The following ADGRB3 variants were observed in gnomAD, a reference collection of about 807,000 sequenced individuals.
ADGRB3 encodes the protein brain-specific angiogenesis inhibitor 3.
Under a neutral mutation model 193.4 loss-of-function variants are expected in ADGRB3, and 37 were observed. That is an observed-to-expected ratio of 0.19 (90% confidence interval 0.15 to 0.25). The LOEUF is 0.25. Ranked by LOEUF, ADGRB3 falls within the 10% of genes least tolerant of loss-of-function variation. ADGRB3 has a pLI of 1.00. For missense variants in ADGRB3, 1,637 were observed against 1,852.9 expected, an observed-to-expected ratio of 0.88 and a Z score of 2.14; for synonymous variants, 690 against 644.2, an observed-to-expected ratio of 1.07 and a Z score of -1.08.
intron 3 of ADGRB3, among the ~76,000 whole-genome samples, chr6:68,901,380 CAGTT>C (rs1303301502): frequency 2.0e-5 from 3 of 152,118 alleles, no homozygotes; most frequent in Admixed American, 6.5e-5. Flanking sequence ...ATTCAAGAGA[CAGTT>C]AGAGAGAACA....
chr6:69,341,584 C>A (rs934377247), intron 26 of ADGRB3, among the ~76,000 whole-genome samples: 2 of 152,226 alleles, frequency 1.3e-5, no homozygotes, highest in East Asian at 1.9e-4. Flanking sequence ...ATTCCCTTAG[C>A]AAGTTTCTAC....
intron 6 of ADGRB3, among the ~76,000 whole-genome samples, chr6:68,949,067 G>GC (rs1238993711): frequency 1.3e-5 from 2 of 151,972 alleles, no homozygotes; most frequent in Non-Finnish European, 2.9e-5. Flanking sequence ...ACTTTGAATA[G>GC]TAAAAAATCG....
At chr6:69,312,975 C>A (rs1219594110) in intron 20 of ADGRB3, among the ~76,000 whole-genome samples, 1 of 151,786 alleles carries the variant, frequency 6.6e-6, no homozygotes, top group Non-Finnish European at 1.5e-5. Flanking sequence ...TTATTATAAG[C>A]AATTTTTATA....
intron 3 of ADGRB3, among the ~76,000 whole-genome samples, chr6:68,893,781 GT>G (rs1269164334): frequency 2.0e-5 from 3 of 151,790 alleles, no homozygotes; most frequent in Non-Finnish European, 4.4e-5. Context: ...CCAATATATA[GT>G]TTTTGTAAAT....
intron 20 of ADGRB3, among the ~76,000 whole-genome samples, chr6:69,278,164 A>G (rs919455733): frequency 1.5e-4 from 23 of 152,332 alleles, no homozygotes; most frequent in African/African-American, 4.8e-4. Flanking sequence ...TCCAGTGTCT[A>G]TGCACACAGA....
At chr6:69,152,568 A>C (rs1774709396) in intron 17 of ADGRB3, among the ~76,000 whole-genome samples, 1 of 152,208 alleles carries the variant, frequency 6.6e-6, no homozygotes, top group Non-Finnish European at 1.5e-5. Flanking sequence ...ACAAATAGCT[A>C]ATTCTATGTG....
chr6:69,028,111 C>A (rs999357208), intron 13 of ADGRB3, among the ~76,000 whole-genome samples: 1 of 152,180 alleles, frequency 6.6e-6, no homozygotes, highest in African/African-American at 2.4e-5. Context: ...TCCCACCATA[C>A]AAATCCTTGG....
At chr6:68,963,667 G>T (rs1350404582) in intron 8 of ADGRB3, among the ~76,000 whole-genome samples, 3 of 152,056 alleles carry the variant, frequency 2.0e-5, no homozygotes, top group Non-Finnish European at 4.4e-5. Flanking sequence ...ATTCACTTGG[G>T]CTCCCCTAAT....
intron 6 of ADGRB3, among the ~76,000 whole-genome samples, chr6:68,950,178 T>C (rs1038994403): frequency 2.6e-5 from 4 of 152,058 alleles, no homozygotes; most frequent in Non-Finnish European, 5.9e-5. Context: ...CTCAGCCTCT[T>C]GAGTAGCTGA....
intron 20 of ADGRB3, among the ~76,000 whole-genome samples, chr6:69,274,937 T>A (rs148540381): frequency 6.6e-5 from 10 of 152,278 alleles, no homozygotes; most frequent in Admixed American, 2.6e-4. Context: ...ACCCTCCTCA[T>A]CCCTGTTTAG....
intron 11 of ADGRB3, among the ~76,000 whole-genome samples, chr6:69,006,537 G>T (rs955157441): frequency 6.7e-6 from 1 of 149,278 alleles, no homozygotes; most frequent in Non-Finnish European, 1.5e-5. Context: ...ATGGAGTCTC[G>T]CTCTGTCACC....
At chr6:69,040,378 C>CTTTCTTTCT (rs1562133289) in intron 13 of ADGRB3, among the ~76,000 whole-genome samples, 12 of 21,330 alleles carry the variant, frequency 5.6e-4, no homozygotes, top group African/African-American at 9.4e-4. Context: ...TCTTTCTTTC[C>CTTTCTTTCT]TTCTCTCTCT....
chr6:68,884,590 G>T (rs1194633438), intron 3 of ADGRB3, among the ~76,000 whole-genome samples: 1 of 152,130 alleles, frequency 6.6e-6, no homozygotes, highest in South Asian at 2.1e-4. Flanking sequence ...CTGAGATGAG[G>T]TTGGAGACAG....
intron 29 of ADGRB3, among the ~76,000 whole-genome samples, chr6:69,370,401 C>A (rs1438076377): frequency 1.3e-5 from 2 of 152,104 alleles, no homozygotes; most frequent in African/African-American, 4.8e-5. Context: ...CTTTATTTTG[C>A]ATCCACTCCA....
chr6:69,048,276 A>T lies in ADGRB3; in HGVS notation c.2199A>T (p.Arg733Ser). The T allele has an allele frequency of 6.2e-7, 1 of 1,613,782 alleles. No homozygotes were observed. The highest frequency in any genetic ancestry group is 1.3e-5 in the African/African-American group (1 of 75,056). Residue 733 changes from arginine to serine, a missense_variant, in exon 14 of 32, where the codon AGA (arginine) becomes AGT (serine). Arg to Ser is a moderately radical substitution (Grantham distance 110). This residue lies in a region of ADGRB3 where 641 missense variants were observed against 673.9 expected (regional missense o/e 0.95). Coordinates refer to ENST00000370598, the MANE Select transcript of ADGRB3 (RefSeq NM_001704.3). ...GGAAGGGAATGGTTGACTGGGCAAG[A>T]AACTCAGAAGATAGGGTAGTAATTC... is the stretch of plus-strand genomic sequence containing the variant. ...KGRKGMVDWARNSEDRVVIPK... is the reference protein window; with the variant it reads ...KGRKGMVDWASNSEDRVVIPK...
intron 3 of ADGRB3, among the ~76,000 whole-genome samples, chr6:68,892,249 G>A (rs535481718): frequency 6.6e-6 from 1 of 152,222 alleles, no homozygotes; most frequent in Non-Finnish European, 1.5e-5. Flanking sequence ...GCTTTTCATT[G>A]TTGAGGAGTA....
At chr6:68,713,201 A>T (rs1200598618) in intron 3 of ADGRB3, among the ~76,000 whole-genome samples, 5 of 151,932 alleles carry the variant, frequency 3.3e-5, no homozygotes, top group Admixed American at 6.6e-5. Context: ...AAAATGGCTG[A>T]GAGATCAATG....
intron 11 of ADGRB3, among the ~76,000 whole-genome samples, chr6:68,997,929 A>G (rs1382029528): frequency 1.3e-5 from 2 of 152,134 alleles, no homozygotes; most frequent in African/African-American, 2.4e-5. Flanking sequence ...ACCTCTGTTC[A>G]GTAATAGTAA....
At chr6:68,651,115 A>G (rs779183825) in intron 3 of ADGRB3, among the ~76,000 whole-genome samples, 1 of 152,180 alleles carries the variant, frequency 6.6e-6, no homozygotes, top group Non-Finnish European at 1.5e-5. Context: ...ATGTCAGTTT[A>G]TTTTGGCTTC....
Sources: allele counts gnomAD v4.1 joint callset (sites outside exome capture counted in the v4.1 genomes callset), GRCh38; gene constraint gnomAD v4.1.1; regional missense constraint gnomAD v4.1.1; transcripts MANE v1.5; gene names NCBI Gene and HGNC (gene_info 2026-07-23, HGNC 2026-07-21).